The following MED27 variants were observed in gnomAD, a reference collection of about 807,000 sequenced individuals.
MED27 encodes mediator of RNA polymerase II transcription subunit 27.
A neutral mutation model predicts 38.2 loss-of-function variants in MED27; 30 were observed. The observed-to-expected ratio is 0.79, with a 90% CI of 0.59 to 1.07. The LOEUF (loss-of-function observed/expected upper bound fraction) is 1.07, where lower values mean the gene tolerates loss of function less well. Ranked by LOEUF, MED27 falls within the 50% of genes least tolerant of loss-of-function variation. The probability of loss-of-function intolerance (pLI) is 0.00; values close to 1 mark genes in which losing one functional copy is unlikely to be tolerated. For missense variants in MED27, 289 were observed against 397.5 expected, an observed-to-expected ratio of 0.73 and a Z score of 2.32; for synonymous variants, 122 against 153.5, an observed-to-expected ratio of 0.79 and a Z score of 1.52.
At chr9:131,895,763 A>G (rs762187811) in intron 4 of MED27, among the ~76,000 whole-genome samples, 8 of 152,142 alleles carry the variant, frequency 5.3e-5, no homozygotes, top group Non-Finnish European at 8.8e-5. Flanking sequence ...TGTCCAATCA[A>G]TGGGTCATTT....
At chr9:131,900,628 C>T (rs1019290240) in intron 4 of MED27, among the ~76,000 whole-genome samples, 5 of 151,844 alleles carry the variant, frequency 3.3e-5, no homozygotes, top group African/African-American at 1.2e-4. Flanking sequence ...CTTACCTGCA[C>T]GAGGAACCCG....
At chr9:131,943,962 G>A (rs886649203) in intron 3 of MED27, among the ~76,000 whole-genome samples, 6 of 152,110 alleles carry the variant, frequency 3.9e-5, no homozygotes, top group African/African-American at 1.4e-4. Context: ...AGCAACCAGA[G>A]CATTCTGTTT....
chr9:132,032,959 T>C lies in MED27; in HGVS notation c.349-18492A>G, dbSNP rs576098861. On this transcript the variant is annotated intron_variant, in intron 2 of 7. Coordinates refer to ENST00000292035, the MANE Select transcript of MED27 (RefSeq NM_004269.4). ...GAATTCACCTTTCCAACAAATTTAATAGGTGTCTACAACAGCCTGACAGGT... is the reference window on the plus strand; with the variant it reads ...GAATTCACCTTTCCAACAAATTTAACAGGTGTCTACAACAGCCTGACAGGT... Among the ~76,000 whole-genome samples the C allele has an allele frequency of 4.6e-5, 7 of 152,364 alleles. No homozygotes were observed. In the South Asian group the frequency reaches 1.4e-3, roughly 32 times the overall value.
chr9:131,994,932 C>G (rs1255923483), intron 3 of MED27, among the ~76,000 whole-genome samples: 1 of 152,008 alleles, frequency 6.6e-6, no homozygotes, highest in African/African-American at 2.4e-5. Flanking sequence ...TGGGTAAAAG[C>G]CAAAAATCCA....
chr9:131,905,728 CAG>C (rs1212991875), intron 4 of MED27, among the ~76,000 whole-genome samples: 6 of 113,608 alleles, frequency 5.3e-5, no homozygotes, highest in African/African-American at 2.0e-4. Context: ...AAAAAAAAAA[CAG>C]AAAAAGAAAA....
chr9:131,966,014 T>C (rs1213421022), intron 3 of MED27, among the ~76,000 whole-genome samples: 1 of 150,328 alleles, frequency 6.7e-6, no homozygotes, highest in Non-Finnish European at 1.5e-5. Context: ...CTCGCAACCA[T>C]GCGCATCCCA....
In MED27 at chr9:131,969,554, T is replaced by C. The variant is rs138777711; in HGVS notation, c.480-30080A>G. On this transcript the variant is annotated intron_variant, in intron 3 of 7. Transcript: ENST00000292035. ...AGCTTTTGGGAAAAGTTTCCCAGTTTCTTGGTGGCAAGGGAGGATAAGCCC... is the reference window on the plus strand; with the variant it reads ...AGCTTTTGGGAAAAGTTTCCCAGTTCCTTGGTGGCAAGGGAGGATAAGCCC... Among the ~76,000 whole-genome samples the C allele has an allele frequency of 8.9e-3, 1,354 of 152,320 alleles. 10 individuals are homozygous for C. The highest frequency in any genetic ancestry group is 0.014 in the Non-Finnish European group (948 of 68,016).
rs775556559 is a variant in MED27 at position 131,889,097 on chromosome 9, T to C, written c.681+4788A>G. Among the ~76,000 whole-genome samples, 29 of 152,204 alleles carry C rather than the reference T, an allele frequency of 1.9e-4. No homozygotes were observed. The highest frequency in any genetic ancestry group is 3.1e-4 in the Non-Finnish European group (21 of 68,028). On this transcript the variant is annotated intron_variant, in intron 5 of 7. Coordinates refer to ENST00000292035, the MANE Select transcript of MED27 (RefSeq NM_004269.4). This position sits in a 1 kb window ranked among gnomAD's most constrained non-coding sequence, Gnocchi z 4.2. ...AAATCAAAATGTTCCCTGCATCTGA[T>C]ATCAAACAGGGCTGATGCCAACACT... is the stretch of plus-strand genomic sequence containing the variant.
intron 4 of MED27, among the ~76,000 whole-genome samples, chr9:131,914,216 A>G (rs1453868841): frequency 6.6e-6 from 1 of 152,222 alleles, no homozygotes; most frequent in Non-Finnish European, 1.5e-5. Flanking sequence ...CAAACTCAAG[A>G]CAGTAAGACT....
At chr9:131,890,819 A>G (rs1393113090) in intron 5 of MED27, among the ~76,000 whole-genome samples, 1 of 152,222 alleles carries the variant, frequency 6.6e-6, no homozygotes, top group African/African-American at 2.4e-5. Context: ...GATGAGTCTA[A>G]GAGCAGCACC....
chr9:131,993,653 A>T (rs1234419262), intron 3 of MED27, among the ~76,000 whole-genome samples: 2 of 152,234 alleles, frequency 1.3e-5, no homozygotes, highest in African/African-American at 4.8e-5. Flanking sequence ...CACTGGGTCC[A>T]CAGACCCATC....
chr9:131,868,797 G>A, intron 6 of MED27: 2 of 985,490 alleles, frequency 2.0e-6, no homozygotes, highest in Non-Finnish European at 2.4e-6. Context: ...TCCCAGGGCA[G>A]GTAAGTCTTT....
intron 3 of MED27, among the ~76,000 whole-genome samples, chr9:131,943,943 G>A (rs1394420724): frequency 1.3e-5 from 2 of 152,086 alleles, no homozygotes; most frequent in Non-Finnish European, 2.9e-5. Flanking sequence ...GATAGAAAAC[G>A]AACTTTTAAG....
chr9:131,951,653 A>G (rs76395186), intron 3 of MED27, among the ~76,000 whole-genome samples: 116 of 152,380 alleles, frequency 7.6e-4, no homozygotes, highest in Admixed American at 1.8e-3. Context: ...AATCATTATG[A>G]GAAGTAAAGG....
intron 3 of MED27, among the ~76,000 whole-genome samples, chr9:131,964,569 C>T (rs982303741): frequency 2.0e-5 from 3 of 152,020 alleles, no homozygotes; most frequent in African/African-American, 7.3e-5. Flanking sequence ...ACCACAAATA[C>T]AAAACTGGGT....
intron 6 of MED27, among the ~76,000 whole-genome samples, chr9:131,870,418 G>A (rs970727433): frequency 3.9e-5 from 6 of 152,212 alleles, no homozygotes; most frequent in African/African-American, 9.6e-5. Context: ...GTGTCCCCTC[G>A]TGGTTTTAGC....
At chr9:132,067,094 T>G (rs190208037) in intron 2 of MED27, among the ~76,000 whole-genome samples, 1 of 152,344 alleles carries the variant, frequency 6.6e-6, no homozygotes, top group Non-Finnish European at 1.5e-5. Context: ...TCCATTCAAA[T>G]ACTGTTTTAT....
chr9:131,934,772 G>A (rs778467817), intron 4 of MED27, among the ~76,000 whole-genome samples: 1 of 152,190 alleles, frequency 6.6e-6, no homozygotes, highest in Non-Finnish European at 1.5e-5. Context: ...CATGTTTGTT[G>A]CAGCACTGTT....
chr9:132,072,195 T>C (rs1045990221), intron 2 of MED27, among the ~76,000 whole-genome samples: 3 of 152,226 alleles, frequency 2.0e-5, no homozygotes, highest in Non-Finnish European at 2.9e-5. Flanking sequence ...TCATTATAAC[T>C]ACCATTTACT....
Sources: allele counts gnomAD v4.1 joint callset (sites outside exome capture counted in the v4.1 genomes callset), GRCh38; gene constraint gnomAD v4.1.1; non-coding constraint Gnocchi (gnomAD v3.1); transcripts MANE v1.5; gene names NCBI Gene and HGNC (gene_info 2026-07-23, HGNC 2026-07-21).